FAM149B1: variants seen among roughly 807,000 people sequenced by gnomAD.
The protein encoded by FAM149B1 is primary cilium assembly protein FAM149B1.
In FAM149B1, 56 loss-of-function variants were observed where a neutral mutation model predicts 75.3. That is an observed-to-expected ratio of 0.74 (90% confidence interval 0.60 to 0.93). The LOEUF (loss-of-function observed/expected upper bound fraction) is 0.93. FAM149B1 is among the 40% of genes least tolerant of loss of function. FAM149B1 has a pLI of 0.00. For synonymous variants in FAM149B1, 259 were observed against 256.1 expected (o/e 1.01, Z -0.11); for missense variants, 639 against 708.4 (o/e 0.90, Z 1.11).
At chr10:73,235,415 TTA>T in intron 12 of FAM149B1, 97 bp downstream of exon 12, 1 of 1,492,766 alleles carries the variant, frequency 6.7e-7, no homozygotes, top group Non-Finnish European at 8.9e-7. Flanking sequence ...ATCTAGAGGC[TTA>T]ACCCAGAATA....
Position 73,177,827 on chromosome 10 carries a change from TC to T in FAM149B1, c.153-16del. On this transcript the variant is annotated intron_variant, in intron 2 of 13. Transcript: ENST00000242505. Reference sequence around the variant, plus strand: ...AAAAATTTTCTTTTTTCTCTCCTCCTCCCAAATTGTGCCTTTAGCAAGTCTG... The same window carrying T: ...AAAAATTTTCTTTTTTCTCTCCTCCTCCAAATTGTGCCTTTAGCAAGTCTG... 1 of 1,537,862 alleles carries T rather than the reference TC, an allele frequency of 6.5e-7. No individual in the cohort carries two copies. Among genetic ancestry groups the T allele is most frequent in the East Asian group, 2.4e-5 (1 of 40,858 alleles).
chr10:73,177,928 G>T lies in FAM149B1; in HGVS notation c.235G>T (p.Ala79Ser). ...SLSAFPSYTG[A>S]GISTEGSSDF... ...GTCTGCTTTTCCAAGTTATACAGGC[G>T]CAGGGATATCTACTGAAGGAAGCTC... The change falls in exon 3 of 14, where the codon GCA becomes TCA. Residue 79 changes from alanine (A) to serine (S), a missense_variant. Ala to Ser is a moderately conservative substitution (Grantham distance 99). Coordinates refer to ENST00000242505, the MANE Select transcript of FAM149B1 (RefSeq NM_173348.2). The T allele has an allele frequency of 6.4e-7, 1 of 1,551,604 alleles. No homozygotes were observed. The highest frequency in any genetic ancestry group is 8.7e-7 in the Non-Finnish European group (1 of 1,146,916).
chr10:73,234,939 T>C lies in FAM149B1; in HGVS notation c.1475T>C (p.Met492Thr). Reference protein sequence around the residue: ...HVSTVGPQRQMKPHGDSSRAQ... With the variant: ...HVSTVGPQRQTKPHGDSSRAQ... ...AGCACTGTGGGGCCACAAAGACAGATGGTATGTTTCTTTCATATTGCCTCT... is the reference window on the plus strand; with the variant it reads ...AGCACTGTGGGGCCACAAAGACAGACGGTATGTTTCTTTCATATTGCCTCT... The change falls in exon 11 of 14, where the codon ATG becomes ACG. Residue 492 changes from methionine (M) to threonine (T), a missense_variant and splice_region_variant. Physicochemically the swap from Met to Thr is moderately conservative, Grantham distance 81. Coordinates refer to ENST00000242505, the MANE Select transcript of FAM149B1 (RefSeq NM_173348.2). 8 of 1,551,938 alleles carry C rather than the reference T, an allele frequency of 5.2e-6. No individual in the cohort carries two copies. Among genetic ancestry groups the C allele is most frequent in the Non-Finnish European group, 7.0e-6 (8 of 1,147,054 alleles).
intron 3 of FAM149B1, among the ~76,000 whole-genome samples, chr10:73,187,837 C>T (rs1353230121): frequency 6.6e-6 from 1 of 152,088 alleles, no homozygotes; most frequent in Non-Finnish European, 1.5e-5. Context: ...AATCCCAGCA[C>T]TTTGGAAAGC....
At chr10:73,185,034 A>G (rs941077889) in intron 3 of FAM149B1, among the ~76,000 whole-genome samples, 8 of 152,202 alleles carry the variant, frequency 5.3e-5, no homozygotes, top group Admixed American at 5.2e-4. Flanking sequence ...CATGATCAGG[A>G]ATGAAAGAGA....
intron 1 of FAM149B1, among the ~76,000 whole-genome samples, chr10:73,172,196 A>T (rs1681721011): frequency 6.6e-6 from 1 of 152,142 alleles, no homozygotes; most frequent in African/African-American, 2.4e-5. Flanking sequence ...CACTTTTTCA[A>T]AGACAAGCTC....
intron 7 of FAM149B1, among the ~76,000 whole-genome samples, chr10:73,221,996 A>G (rs1355587589): frequency 1.3e-5 from 2 of 151,980 alleles, no homozygotes; most frequent in Non-Finnish European, 2.9e-5. Flanking sequence ...TATATTTTCC[A>G]TGTCTCTATT....
In FAM149B1 at chr10:73,234,853, G is replaced by C. The variant is rs374684689; in HGVS notation, c.1389G>C (p.Pro463=). ...CCGACTCGCTCTCCTCTCCCTCACC[G>C]ACGCCCCTGAGTCGAAATAATCTGC... ...VAPDSLSSPS[P]TPLSRNNLLP... is the part of the protein sequence containing the mutation. The change falls in exon 11 of 14, where the codon CCG becomes CCC. Residue 463 remains proline (P), a synonymous_variant. Transcript: ENST00000242505. 2.0e-4 allele frequency: 315 copies of C among 1,551,642 alleles called. No homozygotes were observed. The highest frequency in any genetic ancestry group is 2.7e-4 in the Non-Finnish European group (306 of 1,146,998).
intron 8 of FAM149B1, chr10:73,230,156 G>GT (rs1213304820): frequency 9.9e-5 from 34 of 344,232 alleles, no homozygotes; most frequent in African/African-American, 6.4e-4. Context: ...CTCACTCCCT[G>GT]TAAGAGGGCT....
intron 3 of FAM149B1, among the ~76,000 whole-genome samples, chr10:73,189,986 A>T (rs2042640320): frequency 6.6e-6 from 1 of 152,254 alleles, no homozygotes; most frequent in Admixed American, 6.5e-5. Context: ...ACAGGCAAAT[A>T]TGAAGAACCA....
At chr10:73,227,612 G>A (rs1312517321) in intron 7 of FAM149B1, among the ~76,000 whole-genome samples, 1 of 152,120 alleles carries the variant, frequency 6.6e-6, no homozygotes, top group African/African-American at 2.4e-5. Flanking sequence ...GATTAATGAA[G>A]GTTTCCCTAG....
intron 5 of FAM149B1, among the ~76,000 whole-genome samples, chr10:73,196,183 C>CTTTAAGGAGACTTTA (rs2042800347): frequency 2.0e-5 from 3 of 152,128 alleles, no homozygotes; most frequent in African/African-American, 7.2e-5. Context: ...CATATGGAAT[C>CTTTAAGGAGACTTTA]AGCTGAACTT....
At chr10:73,216,275 G>A (rs1018602777) in intron 7 of FAM149B1, among the ~76,000 whole-genome samples, 1 of 151,846 alleles carries the variant, frequency 6.6e-6, no homozygotes, top group Non-Finnish European at 1.5e-5. Flanking sequence ...GTTTACTTTA[G>A]TTTTTGTGTC....
At chr10:73,168,586 C>T (rs1289273584) in intron 1 of FAM149B1, among the ~76,000 whole-genome samples, 200 bp downstream of exon 1, 3 of 152,242 alleles carry the variant, frequency 2.0e-5, no homozygotes, top group Non-Finnish European at 4.4e-5. Flanking sequence ...GTCTGAAATT[C>T]CTGAAATCAA....
At position 73,243,414 on chromosome 10, in the gene FAM149B1, T is replaced by G. The variant is rs2043975374; in HGVS notation, c.*2395T>G. 1 of 1,613,836 alleles carries G rather than the reference T, an allele frequency of 6.2e-7. No homozygotes were observed. Among genetic ancestry groups the G allele is most frequent in the African/African-American group, 1.3e-5 (1 of 74,926 alleles). On this transcript the variant is annotated 3_prime_UTR_variant, in exon 14 of 14. Coordinates refer to ENST00000242505, the MANE Select transcript of FAM149B1 (RefSeq NM_173348.2). ...GAAAAATTCCATTATTTCTTTTCTT[T>G]CTTGAGAGCAGATTTTTTCCCTCCT...
At chr10:73,171,524 A>C (rs1227385916) in intron 1 of FAM149B1, among the ~76,000 whole-genome samples, 2 of 152,202 alleles carry the variant, frequency 1.3e-5, no homozygotes, top group East Asian at 3.8e-4. Context: ...AAAAATTTCA[A>C]ACATAAACAT....
In FAM149B1 at chr10:73,243,956, AG is replaced by A; in HGVS notation, c.*2940del. ...TGAAACAGGAACTCACATGAGACTCAGGGCCACCAGGAAATGCTTAAAATAC... is the reference window on the plus strand; with the variant it reads ...TGAAACAGGAACTCACATGAGACTCAGGCCACCAGGAAATGCTTAAAATAC... On this transcript the variant is annotated 3_prime_UTR_variant, in exon 14 of 14. Transcript: ENST00000242505. 1.3e-6 allele frequency: 2 copies of A among 1,584,902 alleles called. No homozygotes were observed. Among genetic ancestry groups the A allele is most frequent in the Non-Finnish European group, 1.7e-6 (2 of 1,160,676 alleles).
intron 13 of FAM149B1, among the ~76,000 whole-genome samples, chr10:73,240,625 T>C (rs2133420185): frequency 6.6e-6 from 1 of 150,982 alleles, no homozygotes; most frequent in African/African-American, 2.4e-5. Flanking sequence ...GGCAGGAGAA[T>C]GAGGTGAACC....
At chr10:73,199,197 T>TTTGTTG (rs3998310) in intron 5 of FAM149B1, among the ~76,000 whole-genome samples, 13,522 of 146,452 alleles carry the variant, frequency 0.092, 891 homozygotes, top group East Asian at 0.27. Flanking sequence ...GTTATCCTTT[T>TTTGTTG]TTGTTGTTGT....
Sources: allele counts gnomAD v4.1 joint callset (sites outside exome capture counted in the v4.1 genomes callset), GRCh38; gene constraint gnomAD v4.1.1; transcripts MANE v1.5; gene names NCBI Gene and HGNC (gene_info 2026-07-23, HGNC 2026-07-21).